Variants in STRN4 observed in about 807,000 individuals in gnomAD.
STRN4 encodes the protein striatin-4.
A neutral mutation model predicts 77.9 loss-of-function variants in STRN4; 27 were observed. The observed-to-expected ratio is 0.35, with a 90% confidence interval of 0.26 to 0.48. STRN4 has a LOEUF of 0.48. STRN4 is among the 20% of genes least tolerant of loss of function. The pLI is 0.99. For missense variants in STRN4, 798 were observed against 1,049.7 expected, an observed-to-expected ratio of 0.76 and a Z score of 3.31; for synonymous variants, 466 against 443.1, an observed-to-expected ratio of 1.05 and a Z score of -0.65.
intron 15 of STRN4, 81 bp downstream of exon 15, chr19:46,722,161 C>G (rs758235167): frequency 2.5e-6 from 4 of 1,594,990 alleles, no homozygotes; most frequent in Non-Finnish European, 3.4e-6. Context: ...ACTCCCAGAG[C>G]CTCCCACAGG....
rs193053529 is a variant in STRN4 at position 46,722,994 on chromosome 19, C to T, written c.1766-44G>A. 116 of 1,608,564 alleles carry T rather than the reference C, an allele frequency of 7.2e-5. 1 individual carries two copies. The East Asian group carries it at 2.5e-3, about 34-fold the overall frequency. On this transcript the variant is annotated intron_variant, in intron 13 of 17. Coordinates refer to ENST00000263280, the MANE Select transcript of STRN4 (RefSeq NM_013403.3). ...GAAGGCTGCTGAATGGACCCTCAGA[C>T]CCAGCCCTGCCCCAGGGTGGGGGAC... is the stretch of plus-strand genomic sequence containing the variant.
At position 46,746,420 on chromosome 19, in the gene STRN4, T is replaced by C. The variant is rs1430924589; in HGVS notation, c.11A>G (p.Glu4Gly). 1.9e-6 allele frequency: 2 copies of C among 1,030,644 alleles called. No individual in the cohort carries two copies. Among genetic ancestry groups the C allele is most frequent in the East Asian group, 1.8e-4 (2 of 11,148 alleles). The allele number at this position is 1,030,644 out of a possible 1,614,324, so 63.8% of individuals were successfully genotyped here. A position where few individuals can be genotyped will look rare whatever the true frequency, so the allele number is the denominator to read the frequency against. ...GGCGGCGACCGCGGCGGCCGCTCGCTCCTCCATCATGGAGGCCCCGGGGCC... is the reference window on the plus strand; with the variant it reads ...GGCGGCGACCGCGGCGGCCGCTCGCCCCTCCATCATGGAGGCCCCGGGGCC... MME[E>G]RAAAAVAAAA... The change falls in exon 1 of 18, where the codon GAG (glutamate) becomes GGG (glycine). Residue 4 changes from glutamate (E) to glycine (G), a missense_variant. Physicochemically the swap from Glu to Gly is moderately conservative, Grantham distance 98. Around this residue, in one of 2 missense-constraint regions of STRN4, gnomAD observed 511 missense variants for 575.9 expected, o/e 0.89. Transcript: ENST00000263280.
chr19:46,727,694 G>A, intron 8 of STRN4, 148 bp from the exon 9 acceptor site: 2 of 771,642 alleles, frequency 2.6e-6, no homozygotes, highest in Admixed American at 2.5e-5. Flanking sequence ...AATCACAGCT[G>A]GAAAGAGACA....
chr19:46,728,872 C>T (rs1233664342), intron 6 of STRN4, 95 bp from the exon 7 acceptor site: 2 of 1,533,012 alleles, frequency 1.3e-6, no homozygotes, highest in African/African-American at 2.7e-5. Flanking sequence ...GGGCTCTGGG[C>T]CCGTTTCTGT....
intron 1 of STRN4, chr19:46,745,825 C>T: frequency 4.3e-6 from 1 of 233,204 alleles, no homozygotes. Context: ...CCGCGGCCAG[C>T]GTGCTCAGTC....
At position 46,738,654 on chromosome 19, in the gene STRN4, G is replaced by T; in HGVS notation, c.386+131C>A. 1.2e-6 allele frequency: 1 copy of T among 845,862 alleles called. No individual in the cohort carries two copies. Among genetic ancestry groups the T allele is most frequent in the South Asian group, 1.5e-5 (1 of 67,338 alleles). 52.4% of individuals were successfully genotyped at this position (845,862 alleles called of 1,614,324 possible). A position where few individuals can be genotyped will look rare whatever the true frequency, so the allele number is the denominator to read the frequency against. On this transcript the variant is annotated intron_variant, in intron 2 of 17. Coordinates refer to ENST00000263280, the MANE Select transcript of STRN4 (RefSeq NM_013403.3). The surrounding 1 kb of genome is among the most constrained non-coding windows in gnomAD (Gnocchi z 4.5). Reference sequence around the variant, plus strand: ...TCCTGTTTCTCCCCTAGAATCTTATGGTACTGGAATGATGGAAAAGAATGT... The same window carrying T: ...TCCTGTTTCTCCCCTAGAATCTTATTGTACTGGAATGATGGAAAAGAATGT...
rs1016875653 is a variant in STRN4, at chr19:46,725,199, T to C, written c.1472+133A>G. 3 of 1,281,790 alleles carry C rather than the reference T, an allele frequency of 2.3e-6. No homozygotes were observed. The Admixed American group carries it at 5.7e-5, about 24-fold the overall frequency. The allele number at this position is 1,281,790 out of a possible 1,614,324, so 79.4% of individuals were successfully genotyped here. ...CCAAGAACCAGGGCTGTGTATATCATGAAGGGGGCGGGGACTCAGAGCCCC... is the reference window on the plus strand; with the variant it reads ...CCAAGAACCAGGGCTGTGTATATCACGAAGGGGGCGGGGACTCAGAGCCCC... On this transcript the variant is annotated intron_variant, in intron 11 of 17. Transcript: ENST00000263280.
chr19:46,724,715 G>T, intron 12 of STRN4, 92 bp downstream of exon 12: 1 of 1,580,266 alleles, frequency 6.3e-7, no homozygotes, highest in Non-Finnish European at 8.6e-7. Flanking sequence ...GGCCTGCAGT[G>T]TTGGCAAGAG....
intron 14 of STRN4, 63 bp from the exon 15 acceptor site, chr19:46,722,403 G>A: frequency 4.6e-6 from 7 of 1,537,860 alleles, no homozygotes; most frequent in Non-Finnish European, 6.3e-6. Flanking sequence ...CCAGAACAGA[G>A]GCACAAGCGC....
At chr19:46,742,904 T>A (rs925857094) in intron 1 of STRN4, among the ~76,000 whole-genome samples, 6 of 152,198 alleles carry the variant, frequency 3.9e-5, no homozygotes, top group African/African-American at 1.4e-4. Flanking sequence ...ATTCCACTCA[T>A]CTGTTCTGCT....
intron 16 of STRN4, chr19:46,721,667 G>C: frequency 6.4e-6 from 2 of 314,540 alleles, no homozygotes; most frequent in Non-Finnish European, 1.2e-5. Context: ...CCCCCAGGTA[G>C]ACCTGGACTG....
intron 7 of STRN4, chr19:46,728,275 A>G (rs1354156472): frequency 1.3e-5 from 8 of 598,798 alleles, no homozygotes; most frequent in South Asian, 3.8e-5. Flanking sequence ...GTCACAGGAC[A>G]GGGAGGAAGA....
At chr19:46,725,208 C>T (rs1053180333) in intron 11 of STRN4, 124 bp downstream of exon 11, 9 of 1,328,328 alleles carry the variant, frequency 6.8e-6, no homozygotes, top group South Asian at 3.9e-5. Flanking sequence ...ATGAAGGGGG[C>T]GGGGACTCAG....
In STRN4 at chr19:46,741,187, G is replaced by C. The variant is rs1258614079; in HGVS notation, c.283-2299C>G. 1.3e-5 allele frequency among the ~76,000 whole-genome samples: 2 copies of C among 152,198 alleles called. No individual in the cohort carries two copies. Among genetic ancestry groups the C allele is most frequent in the East Asian group, 1.9e-4 (1 of 5,192 alleles). On this transcript the variant is annotated intron_variant, in intron 1 of 17. Coordinates refer to ENST00000263280, the MANE Select transcript of STRN4 (RefSeq NM_013403.3). The surrounding 1 kb of genome is among the most constrained non-coding windows in gnomAD (Gnocchi z 4.9). ...ACACAGAGACCCCCATCACAGATGAGGGCAGTCCCAGAAATCCCAGGACAG... is the reference window on the plus strand; with the variant it reads ...ACACAGAGACCCCCATCACAGATGACGGCAGTCCCAGAAATCCCAGGACAG...
intron 1 of STRN4, among the ~76,000 whole-genome samples, chr19:46,742,085 A>C (rs2054485277): frequency 6.6e-6 from 1 of 152,186 alleles, no homozygotes; most frequent in African/African-American, 2.4e-5. Context: ...GCAGAGCCAC[A>C]CAATCAACTG....
At chr19:46,740,382 A>G (rs1274676230) in intron 1 of STRN4, 1 of 152,034 alleles carries the variant, frequency 6.6e-6, no homozygotes, top group Non-Finnish European at 1.5e-5. Flanking sequence ...CCTTTTTAAC[A>G]CTTTTTACCA....
In STRN4 at chr19:46,723,206, C is replaced by T. The variant is rs923744246; in HGVS notation, c.1673G>A (p.Arg558His). 14 of 1,555,044 alleles carry T rather than the reference C, an allele frequency of 9.0e-6. No individual in the cohort carries two copies. Among genetic ancestry groups the T allele is most frequent in the East Asian group, 4.9e-5 (2 of 41,230 alleles). The change falls in exon 13 of 18, where the codon CGC becomes CAC. Residue 558 changes from arginine to histidine, a missense_variant. Transcript: ENST00000263280. This position sits in a 1 kb window ranked among gnomAD's most constrained non-coding sequence, Gnocchi z 5.5. Reference sequence around the variant, plus strand: ...GCCATCAGCAGAACAGGAGGCCAGGCGCTGGGAGGTGGGACTGAAGGCCAG... The same window carrying T: ...GCCATCAGCAGAACAGGAGGCCAGGTGCTGGGAGGTGGGACTGAAGGCCAG... ...WGLAFSPTSQ[R>H]LASCSADGTV...
At chr19:46,742,287 C>T (rs574633195) in intron 1 of STRN4, among the ~76,000 whole-genome samples, 1 of 152,252 alleles carries the variant, frequency 6.6e-6, no homozygotes, top group East Asian at 1.9e-4. Context: ...GCAGGACCTC[C>T]CTGGGGGCTG....
chr19:46,722,729 A>G (rs1017772691), intron 14 of STRN4, 81 bp downstream of exon 14: 2 of 1,577,276 alleles, frequency 1.3e-6, no homozygotes, highest in Non-Finnish European at 1.7e-6. Context: ...CTGACTGACA[A>G]GGGGTCGCCA....
Sources: allele counts gnomAD v4.1 joint callset (sites outside exome capture counted in the v4.1 genomes callset), GRCh38; gene constraint gnomAD v4.1.1; regional missense constraint gnomAD v4.1.1; non-coding constraint Gnocchi (gnomAD v3.1); transcripts MANE v1.5; gene names NCBI Gene and HGNC (gene_info 2026-07-23, HGNC 2026-07-21).